Variants in SLC6A13 observed in about 807,000 individuals in gnomAD.
The protein encoded by SLC6A13 is solute carrier family 6 member 13, also known as sodium- and chloride-dependent GABA transporter 2.
A neutral mutation model predicts 72.9 loss-of-function variants in SLC6A13; 69 were observed. That is an observed-to-expected ratio of 0.95 (90% CI 0.78 to 1.16). The LOEUF (loss-of-function observed/expected upper bound fraction) is 1.16. Ranked by LOEUF, SLC6A13 falls within the 50% of genes most tolerant of loss-of-function variation. SLC6A13 has a pLI of 0.00. For synonymous variants in SLC6A13, 303 were observed against 303.0 expected (o/e 1.00, Z 0.00); for missense variants, 735 against 760.5 (o/e 0.97, Z 0.39).
chr12:226,920 A>T (rs1565490511), intron 8 of SLC6A13: 1 of 173,032 alleles, frequency 5.8e-6, no homozygotes, highest in Non-Finnish European at 1.2e-5. Context: ...TAGTCGCCTG[A>T]ATTCAATTTT....
chr12:222,622 G>A lies in SLC6A13; in HGVS notation c.1425C>T (p.Arg475=). Reference sequence around the variant, plus strand: ...TCATGTCTTCGATGTTGTCGTAGAAGCGCTTGGCTCCTACCATGGAGAAAA... The same window carrying A: ...TCATGTCTTCGATGTTGTCGTAGAAACGCTTGGCTCCTACCATGGAGAAAA... ...LCVAWVYGAK[R]FYDNIEDMIG... is the part of the protein sequence containing the mutation. The change falls in exon 13 of 15, where the codon CGC becomes CGT. Residue 475 remains arginine, a synonymous_variant. Coordinates refer to ENST00000343164, the MANE Select transcript of SLC6A13 (RefSeq NM_016615.5). The A allele has an allele frequency of 6.2e-7, 1 of 1,604,580 alleles. No homozygotes were observed. The highest frequency in any genetic ancestry group is 8.5e-7 in the Non-Finnish European group (1 of 1,173,820).
rs759190231 is a variant in SLC6A13 at position 224,141 on chromosome 12, G to A, written c.1174-12C>T. 4.3e-6 allele frequency: 7 copies of A among 1,613,938 alleles called. No individual in the cohort carries two copies. The South Asian group carries it at 5.5e-5, about 13-fold the overall frequency. ...TCTACACACACAAACTGGATGACAGGGCAAAGGGATTGGAGGGAAGGAGAG... is the reference window on the plus strand; with the variant it reads ...TCTACACACACAAACTGGATGACAGAGCAAAGGGATTGGAGGGAAGGAGAG... On this transcript the variant is annotated splice_polypyrimidine_tract_variant and intron_variant, in intron 10 of 14. Coordinates refer to ENST00000343164, the MANE Select transcript of SLC6A13 (RefSeq NM_016615.5).
At position 221,328 on chromosome 12, in the gene SLC6A13, G is replaced by A. The variant is rs116015204; in HGVS notation, c.1686+48C>T. On this transcript the variant is annotated intron_variant, in intron 14 of 14. Transcript: ENST00000343164. ...TGGCAGCCCACCTGTCGGCACCTGC[G>A]AAGCCTCCCAGCCCCTCTGGCTGCT... 8.5e-3 allele frequency: 12,880 copies of A among 1,523,870 alleles called. 82 individuals carry two copies. The highest frequency in any genetic ancestry group is 0.014 in the African/African-American group (1,040 of 72,366). The allele number at this position is 1,523,870 out of a possible 1,614,324, so 94.4% of individuals were successfully genotyped here.
intron 2 of SLC6A13, among the ~76,000 whole-genome samples, chr12:244,947 G>A (rs11062126): frequency 0.072 from 10,998 of 152,178 alleles, 494 homozygotes; most frequent in Non-Finnish European, 0.095. Flanking sequence ...AAGCATTGGC[G>A]GAGACAAGAC....
chr12:223,159 C>T lies in SLC6A13; in HGVS notation c.1387G>A (p.Glu463Lys), dbSNP rs369427960. ...GMCLLFVAIF[E>K]SLCVAWVYGA... ...TAAACCCAAGCCACACAGAGGGACTCGAAGATGGCCACGAACAGGAGGCAC... is the reference window on the plus strand; with the variant it reads ...TAAACCCAAGCCACACAGAGGGACTTGAAGATGGCCACGAACAGGAGGCAC... The change falls in exon 12 of 15, where the codon GAG (glutamate) becomes AAG (lysine). Residue 463 changes from glutamate to lysine, a missense_variant. Coordinates refer to ENST00000343164, the MANE Select transcript of SLC6A13 (RefSeq NM_016615.5). The T allele has an allele frequency of 4.1e-5, 66 of 1,613,364 alleles. No individual in the cohort carries two copies. The highest frequency in any genetic ancestry group is 1.3e-4 in the South Asian group (12 of 91,062).
rs1941290389 is a variant in SLC6A13 at position 223,203 on chromosome 12, TAGTC to T, written c.1339_1342del (p.Asp447ThrfsTer36). The T allele has an allele frequency of 6.2e-7, 1 of 1,613,558 alleles. No individual in the cohort carries two copies. The highest frequency in any genetic ancestry group is 8.5e-7 in the Non-Finnish European group (1 of 1,179,536). ...GAGGCACATGCCACTGGCCGCATAGTAGTCAAAGAGCTGGAACACGTACATTCCG... is the reference window on the plus strand; with the variant it reads ...GAGGCACATGCCACTGGCCGCATAGTAAAGAGCTGGAACACGTACATTCCG... On this transcript the variant is annotated frameshift_variant, in exon 12 of 15. Coordinates refer to ENST00000343164, the MANE Select transcript of SLC6A13 (RefSeq NM_016615.5). LOFTEE classifies it high-confidence loss of function.
At chr12:229,694 C>T (rs544959602) in intron 7 of SLC6A13, among the ~76,000 whole-genome samples, 82 of 152,326 alleles carry the variant, frequency 5.4e-4, no homozygotes, top group African/African-American at 1.8e-3. Flanking sequence ...CCGGAGTCCT[C>T]GCGCCTTGGA....
At position 220,705 on chromosome 12, in the gene SLC6A13, C is replaced by A; in HGVS notation, c.*243G>T. The A allele has an allele frequency of 2.2e-6, 1 of 462,270 alleles. No individual in the cohort carries two copies. The highest frequency in any genetic ancestry group is 2.4e-5 in the South Asian group (1 of 40,952). 28.6% of individuals were successfully genotyped at this position (462,270 alleles called of 1,614,324 possible). A position where few individuals can be genotyped will look rare whatever the true frequency, so the allele number is the denominator to read the frequency against. On this transcript the variant is annotated 3_prime_UTR_variant, in exon 15 of 15. Coordinates refer to ENST00000343164, the MANE Select transcript of SLC6A13 (RefSeq NM_016615.5). ...GTCTCGCCCCACCTACCAGCCCCCA[C>A]CCAGCTTCCCAAGGGTCTCAGAGGG...
intron 7 of SLC6A13, among the ~76,000 whole-genome samples, chr12:232,340 G>A (rs999411872): frequency 1.3e-5 from 2 of 152,262 alleles, no homozygotes; most frequent in African/African-American, 4.8e-5. Flanking sequence ...GAACCACAGT[G>A]GCTTTCTCTT....
In SLC6A13 at chr12:220,904, A is replaced by G; in HGVS notation, c.*44T>C. On this transcript the variant is annotated 3_prime_UTR_variant, in exon 15 of 15. Transcript: ENST00000343164. ...CTTCTGCCACGTTCCCTCCACAGCC[A>G]TCCCCAAGGCCAGGCACACAGGCAC... 6.2e-7 allele frequency: 1 copy of G among 1,606,882 alleles called. No homozygotes were observed. The highest frequency in any genetic ancestry group is 8.5e-7 in the Non-Finnish European group (1 of 1,179,166).
At chr12:252,980 C>T (rs748814746) in intron 2 of SLC6A13, among the ~76,000 whole-genome samples, 2 of 152,196 alleles carry the variant, frequency 1.3e-5, no homozygotes, top group African/African-American at 2.4e-5. Context: ...GGGCCAGGTA[C>T]GGACTGAGGA....
chr12:255,652 C>T lies in SLC6A13; in HGVS notation c.202+4199G>A, dbSNP rs539433642. On this transcript the variant is annotated intron_variant, in intron 2 of 14. Coordinates refer to ENST00000343164, the MANE Select transcript of SLC6A13 (RefSeq NM_016615.5). ...TAGAGGTTGCAGTGAGCTGAGATTA[C>T]GCCACTGCACTCCAGCCTGGGTGAC... 1.4e-3 allele frequency among the ~76,000 whole-genome samples: 209 copies of T among 152,320 alleles called. 1 individual carries two copies. Among genetic ancestry groups the T allele is most frequent in the Non-Finnish European group, 2.1e-3 (144 of 68,030 alleles).
chr12:244,834 A>G (rs975961838), intron 2 of SLC6A13, among the ~76,000 whole-genome samples: 1 of 152,234 alleles, frequency 6.6e-6, no homozygotes, highest in Admixed American at 6.5e-5. Flanking sequence ...CTCCAAAACT[A>G]TAATAAATAA....
intron 7 of SLC6A13, 147 bp downstream of exon 7, chr12:234,943 T>A: frequency 1.2e-6 from 1 of 854,080 alleles, no homozygotes; most frequent in Non-Finnish European, 1.9e-6. Context: ...CAAACAGATG[T>A]CTAGAGAAGG....
intron 2 of SLC6A13, chr12:259,532 G>A (rs1186568888): frequency 1.5e-6 from 2 of 1,358,252 alleles, no homozygotes; most frequent in African/African-American, 2.9e-5. Context: ...GGCAATTGAT[G>A]CTCTGAGAGC....
At chr12:248,403 G>GA (rs35297718) in intron 2 of SLC6A13, among the ~76,000 whole-genome samples, 234 of 100,354 alleles carry the variant, frequency 2.3e-3, no homozygotes, top group African/African-American at 5.0e-3. Flanking sequence ...CTCCGTCTCG[G>GA]AAAAAAAAAA....
Position 243,809 on chromosome 12 carries a change from G to T in SLC6A13, c.207C>A (p.Ala69=). 1 of 1,613,822 alleles carries T rather than the reference G, an allele frequency of 6.2e-7. No individual in the cohort carries two copies. Among genetic ancestry groups the T allele is most frequent in the South Asian group, 1.1e-5 (1 of 91,022 alleles). ...GGAAGACGAGGTAGGGGATGAAGAA[G>T]GCACCTGTGGTTAGAAAACAGGCTG... ...PYLCYKNGGG[A]FFIPYLVFLF... is the part of the protein sequence containing the mutation. Residue 69 remains alanine (A), a synonymous_variant, in exon 3 of 15, where the codon GCC becomes GCA. Coordinates refer to ENST00000343164, the MANE Select transcript of SLC6A13 (RefSeq NM_016615.5).
At chr12:228,340 C>T (rs1941554870) in intron 7 of SLC6A13, among the ~76,000 whole-genome samples, 1 of 152,086 alleles carries the variant, frequency 6.6e-6, no homozygotes, top group African/African-American at 2.4e-5. Flanking sequence ...ACATCCCAGA[C>T]AGAAAAAACA....
At chr12:261,881 G>A (rs1464089932) in intron 1 of SLC6A13, among the ~76,000 whole-genome samples, 4 of 151,476 alleles carry the variant, frequency 2.6e-5, no homozygotes, top group African/African-American at 4.9e-5. Context: ...AGCCGAGATC[G>A]CGCCACTGCA....
Sources: allele counts gnomAD v4.1 joint callset (sites outside exome capture counted in the v4.1 genomes callset), GRCh38; gene constraint gnomAD v4.1.1; transcripts MANE v1.5; gene names NCBI Gene and HGNC (gene_info 2026-07-23, HGNC 2026-07-21).